DMXL1: variants seen among roughly 807,000 people sequenced by gnomAD.
DMXL1 encodes dmX-like protein 1.
In DMXL1, 99 loss-of-function variants were observed where a neutral mutation model predicts 319.2. The observed-to-expected ratio is 0.31, with a 90% CI of 0.26 to 0.37. The LOEUF is 0.37. Among genes scored for constraint, DMXL1 ranks in the 10% least tolerant of loss-of-function variants. DMXL1 has a pLI of 1.00. For missense variants in DMXL1, 3,745 were observed against 3,595.6 expected, an observed-to-expected ratio of 1.04 and a Z score of -1.06; for synonymous variants, 1,385 against 1,235.2, an observed-to-expected ratio of 1.12 and a Z score of -2.54.
chr5:119,207,529 T>C (rs1401612797), intron 34 of DMXL1, among the ~76,000 whole-genome samples: 1 of 152,128 alleles, frequency 6.6e-6, no homozygotes, highest in Admixed American at 6.6e-5. Context: ...ATATTTTATT[T>C]TATTTTTGAG....
chr5:119,126,519 CAA>C (rs1763612839), intron 9 of DMXL1, among the ~76,000 whole-genome samples: 1 of 152,004 alleles, frequency 6.6e-6, no homozygotes, highest in African/African-American at 2.4e-5. Flanking sequence ...CAATAAAAGA[CAA>C]AAAAGAAAAT....
intron 19 of DMXL1, among the ~76,000 whole-genome samples, chr5:119,156,847 CTCTT>C (rs557780456): frequency 2.0e-5 from 3 of 151,928 alleles, no homozygotes; most frequent in Non-Finnish European, 2.9e-5. Flanking sequence ...TTGTTTTTTT[CTCTT>C]TCTGATAATA....
Position 119,247,201 on chromosome 5 carries a change from T to C in DMXL1, c.9129T>C (p.Asp3043=). Residue 3043 remains aspartate, a synonymous_variant, in exon 44 of 44, where the codon GAT becomes GAC. Coordinates refer to ENST00000539542, the MANE Select transcript of DMXL1 (RefSeq NM_001290321.3). ...CTTTAAATGAAGTGTTGAAAAATGA[T>C]GTGAAATTTATGCTATAACATTTTT... ...FSPLNEVLKN[D]VKFML 6.2e-7 allele frequency: 1 copy of C among 1,612,588 alleles called. No individual in the cohort carries two copies. The highest frequency in any genetic ancestry group is 8.5e-7 in the Non-Finnish European group (1 of 1,178,954).
At chr5:119,227,711 T>C (rs1785859535) in intron 38 of DMXL1, among the ~76,000 whole-genome samples, 1 of 152,168 alleles carries the variant, frequency 6.6e-6, no homozygotes, top group African/African-American at 2.4e-5. Context: ...GTCTCCAATA[T>C]GATATATGAG....
At chr5:119,089,197 C>T (rs1430885565) in intron 1 of DMXL1, among the ~76,000 whole-genome samples, 1 of 144,838 alleles carries the variant, frequency 6.9e-6, no homozygotes, top group Admixed American at 7.1e-5. Flanking sequence ...ATCTAGCTCC[C>T]TCCTGGCCTA....
intron 5 of DMXL1, among the ~76,000 whole-genome samples, chr5:119,111,935 T>A (rs555059804): frequency 3.0e-4 from 45 of 152,296 alleles, no homozygotes; most frequent in African/African-American, 1.0e-3. Context: ...TTGTATACTG[T>A]CAATAAAGCA....
At chr5:119,232,485 T>C (rs560063829) in intron 38 of DMXL1, among the ~76,000 whole-genome samples, 3 of 152,176 alleles carry the variant, frequency 2.0e-5, no homozygotes, top group East Asian at 1.9e-4. Flanking sequence ...TTGAGTGTTA[T>C]ATGTTAGGCA....
intron 34 of DMXL1, among the ~76,000 whole-genome samples, chr5:119,208,683 A>G (rs2150498729): frequency 6.6e-6 from 1 of 152,262 alleles, no homozygotes; most frequent in South Asian, 2.1e-4. Context: ...CCACTGCTAT[A>G]TAGTTTAAAA....
intron 34 of DMXL1, among the ~76,000 whole-genome samples, chr5:119,207,318 A>C (rs1781917624): frequency 6.6e-6 from 1 of 152,158 alleles, no homozygotes; most frequent in Non-Finnish European, 1.5e-5. Flanking sequence ...CAAATTAGGA[A>C]TTAATATTAA....
chr5:119,182,101 T>G (rs1776882034), intron 28 of DMXL1, among the ~76,000 whole-genome samples: 1 of 152,180 alleles, frequency 6.6e-6, no homozygotes, highest in African/African-American at 2.4e-5. Flanking sequence ...TCCTGTGTGT[T>G]TGGATTACTG....
intron 4 of DMXL1, among the ~76,000 whole-genome samples, chr5:119,108,177 A>G (rs988633338): frequency 1.3e-5 from 2 of 152,200 alleles, no homozygotes; most frequent in African/African-American, 4.8e-5. Flanking sequence ...AGCCTGGGCA[A>G]CATAGCAAGA....
chr5:119,192,672 T>A (rs918261300), intron 29 of DMXL1, among the ~76,000 whole-genome samples: 29 of 152,236 alleles, frequency 1.9e-4, no homozygotes, highest in African/African-American at 6.8e-4. Context: ...ACTACTCCCA[T>A]ATTGAAATGC....
At chr5:119,185,985 T>C (rs1225428166) in intron 28 of DMXL1, among the ~76,000 whole-genome samples, 2 of 152,224 alleles carry the variant, frequency 1.3e-5, no homozygotes, top group African/African-American at 2.4e-5. Context: ...GTTCTCAAAC[T>C]TTTTACCTGA....
intron 35 of DMXL1, 105 bp from the exon 36 acceptor site, chr5:119,220,365 AGT>A (rs1413494848): frequency 1.6e-5 from 15 of 918,282 alleles, no homozygotes; most frequent in Middle Eastern, 2.3e-4. Context: ...CCTGTACTTT[AGT>A]TATCACTGCT....
chr5:119,115,927 A>G (rs1239483079), intron 6 of DMXL1, among the ~76,000 whole-genome samples: 1 of 152,136 alleles, frequency 6.6e-6, no homozygotes, highest in African/African-American at 2.4e-5. Flanking sequence ...ATTAGCAAGC[A>G]TTTTTCTTGA....
intron 38 of DMXL1, among the ~76,000 whole-genome samples, chr5:119,227,252 A>G (rs931221272): frequency 6.6e-6 from 1 of 151,890 alleles, no homozygotes; most frequent in Non-Finnish European, 1.5e-5. Context: ...TCCCTGTTTA[A>G]TTTTTTTCCC....
At chr5:119,240,500 T>G in intron 42 of DMXL1, 29 bp downstream of exon 42, 2 of 1,493,266 alleles carry the variant, frequency 1.3e-6, no homozygotes, top group Non-Finnish European at 1.9e-6. Flanking sequence ...TTATAAATTT[T>G]GAAAGTCAGG....
chr5:119,184,181 A>G (rs1357179114), intron 28 of DMXL1, among the ~76,000 whole-genome samples: 1 of 151,874 alleles, frequency 6.6e-6, no homozygotes, highest in Non-Finnish European at 1.5e-5. Flanking sequence ...TCAGTGCCCC[A>G]AGTAGCTGGG....
At chr5:119,137,028 C>A (rs1020864371) in intron 13 of DMXL1, among the ~76,000 whole-genome samples, 5 of 152,186 alleles carry the variant, frequency 3.3e-5, no homozygotes, top group African/African-American at 4.8e-5. Context: ...CACCATGTGC[C>A]TGGAAAAGCC....
Sources: allele counts gnomAD v4.1 joint callset (sites outside exome capture counted in the v4.1 genomes callset), GRCh38; gene constraint gnomAD v4.1.1; transcripts MANE v1.5; gene names NCBI Gene and HGNC (gene_info 2026-07-23, HGNC 2026-07-21).